Variants in TGFBR3 observed in about 807,000 individuals in gnomAD.
TGFBR3 encodes the protein transforming growth factor beta receptor type 3.
Under a neutral mutation model 87.9 loss-of-function variants are expected in TGFBR3, and 46 were observed. The ratio of observed to expected loss-of-function variants is 0.52; its 90% confidence interval spans 0.41 to 0.67. The LOEUF is 0.67. TGFBR3 is among the 30% of genes least tolerant of loss of function. The pLI, the probability that TGFBR3 is intolerant of heterozygous loss-of-function variation, is 0.00. For missense variants in TGFBR3, 866 were observed against 1,041.9 expected (o/e 0.83, Z 2.32); for synonymous variants, 381 against 391.6 (o/e 0.97, Z 0.32).
chr1:91,798,988 G>C (rs1008654976), intron 2 of TGFBR3, among the ~76,000 whole-genome samples: 1 of 152,130 alleles, frequency 6.6e-6, no homozygotes, highest in African/African-American at 2.4e-5. Flanking sequence ...TGTGAGCTTG[G>C]TGCTATTGTC....
At chr1:91,765,912 T>C (rs1368136291) in intron 3 of TGFBR3, among the ~76,000 whole-genome samples, 2 of 152,204 alleles carry the variant, frequency 1.3e-5, no homozygotes, top group Admixed American at 6.5e-5. Flanking sequence ...GCTTTTTATA[T>C]ATATATATTC....
At chr1:91,857,471 G>A (rs1678002255) in intron 2 of TGFBR3, among the ~76,000 whole-genome samples, 1 of 152,176 alleles carries the variant, frequency 6.6e-6, no homozygotes, top group East Asian at 1.9e-4. Flanking sequence ...CTTCAAGACA[G>A]AGTTCAAGAT....
At chr1:91,737,736 C>T (rs1673012919) in intron 4 of TGFBR3, among the ~76,000 whole-genome samples, 1 of 152,124 alleles carries the variant, frequency 6.6e-6, no homozygotes, top group African/African-American at 2.4e-5. Context: ...GGGCAACACC[C>T]CTAGCTTCTT....
chr1:91,748,226 A>T (rs1673414141), intron 4 of TGFBR3, among the ~76,000 whole-genome samples: 1 of 152,238 alleles, frequency 6.6e-6, no homozygotes, highest in East Asian at 1.9e-4. Flanking sequence ...TAAGCAGGCC[A>T]CACCCATTTT....
intron 1 of TGFBR3, among the ~76,000 whole-genome samples, chr1:91,904,549 A>G (rs114928289): frequency 0.012 from 1,735 of 144,292 alleles, 27 homozygotes; most frequent in African/African-American, 0.031. Context: ...GACGCGTGCC[A>G]CCACATGCAG....
intron 5 of TGFBR3, among the ~76,000 whole-genome samples, chr1:91,732,813 C>A (rs181125983): frequency 1.2e-3 from 185 of 152,280 alleles, no homozygotes; most frequent in African/African-American, 4.2e-3. Context: ...CCAGTGTGCA[C>A]AGGCTGAACC....
intron 14 of TGFBR3, among the ~76,000 whole-genome samples, chr1:91,699,414 T>C (rs1360224217): frequency 2.0e-5 from 3 of 149,576 alleles, no homozygotes; most frequent in Non-Finnish European, 4.4e-5. Context: ...TCTCTCTCTC[T>C]TTTTCTCTTT....
intron 2 of TGFBR3, among the ~76,000 whole-genome samples, chr1:91,807,921 G>A (rs1007689347): frequency 6.6e-5 from 10 of 152,138 alleles, no homozygotes; most frequent in South Asian, 4.1e-4. Context: ...ATGTGAAAAC[G>A]CTTTACAAAC....
At chr1:91,749,265 T>G (rs1210562725) in intron 4 of TGFBR3, among the ~76,000 whole-genome samples, 2 of 152,122 alleles carry the variant, frequency 1.3e-5, no homozygotes, top group African/African-American at 2.4e-5. Context: ...AAATGGACTG[T>G]GAGACTTTTG....
intron 9 of TGFBR3, 112 bp from the exon 10 acceptor site, chr1:91,719,576 C>T: frequency 7.6e-7 from 1 of 1,321,024 alleles, no homozygotes; most frequent in Non-Finnish European, 1.1e-6. Flanking sequence ...GAGAGGCCTG[C>T]ATCGTGCCCC....
rs781532156 is a variant in TGFBR3, at chr1:91,734,806, C to T, written c.538G>A (p.Ala180Thr). Residue 180 changes from alanine (A) to threonine (T), a missense_variant, in exon 5 of 17, where the codon GCA (alanine) becomes ACA (threonine). By Grantham distance (58) the Ala-to-Thr change is moderately conservative (BLOSUM62 0). Coordinates refer to ENST00000212355, the MANE Select transcript of TGFBR3 (RefSeq NM_003243.5). ...AVTSFTELKI[A>T]RNIYIKVGED... ...CCCACTTTAATATAAATGTTTCTTGCTATCTTGAGTTCGGTGAATGAAGTA... is the reference window on the plus strand; with the variant it reads ...CCCACTTTAATATAAATGTTTCTTGTTATCTTGAGTTCGGTGAATGAAGTA... The T allele has an allele frequency of 3.7e-6, 6 of 1,614,204 alleles. No individual in the cohort carries two copies. Among genetic ancestry groups the T allele is most frequent in the Non-Finnish European group, 4.2e-6 (5 of 1,180,012 alleles).
chr1:91,731,974 C>T (rs945085192), intron 5 of TGFBR3, among the ~76,000 whole-genome samples: 15 of 152,124 alleles, frequency 9.9e-5, no homozygotes, highest in African/African-American at 3.4e-4. Context: ...AATGACTTTC[C>T]GAATGCCTGG....
intron 2 of TGFBR3, among the ~76,000 whole-genome samples, chr1:91,827,449 T>C (rs1326207901): frequency 6.6e-6 from 1 of 152,174 alleles, no homozygotes. Context: ...CTCAAGAGTT[T>C]CAATTTCCTG....
intron 14 of TGFBR3, among the ~76,000 whole-genome samples, chr1:91,707,636 C>A (rs1671838551): frequency 6.6e-6 from 1 of 152,242 alleles, no homozygotes; most frequent in African/African-American, 2.4e-5. Flanking sequence ...TGCCCAGGCT[C>A]CTCTGTGCCC....
Position 91,716,294 on chromosome 1 carries a change from A to C in TGFBR3, c.1808T>G (p.Phe603Cys), listed in dbSNP as rs773262690. 6.8e-6 allele frequency: 11 copies of C among 1,614,026 alleles called. No individual in the cohort carries two copies. The highest frequency in any genetic ancestry group is 9.3e-6 in the Non-Finnish European group (11 of 1,180,024). The stretch of plus-strand genomic sequence containing the variant: ...GAAGACGCCCTGGGAGGGCACCAAA[A>C]AGAGGTCAGTGTTGTATAGCTCCAT... ...FNMELYNTDL[F>C]LVPSQGVFSV... Residue 603 changes from phenylalanine to cysteine, a missense_variant, in exon 12 of 17, where the codon TTT becomes TGT. Transcript: ENST00000212355.
intron 1 of TGFBR3, among the ~76,000 whole-genome samples, chr1:91,884,269 G>A (rs1346419360): frequency 4.0e-5 from 6 of 151,100 alleles, no homozygotes; most frequent in African/African-American, 1.2e-4. Flanking sequence ...GCAGTGAGCC[G>A]AGATCGCACC....
chr1:91,732,580 G>A (rs1178692088), intron 5 of TGFBR3, among the ~76,000 whole-genome samples: 1 of 152,192 alleles, frequency 6.6e-6, no homozygotes, highest in African/African-American at 2.4e-5. Context: ...GATGAAGCTT[G>A]CTCAGTGCAG....
intron 2 of TGFBR3, among the ~76,000 whole-genome samples, chr1:91,837,457 G>A (rs969843326): frequency 1.3e-5 from 2 of 152,028 alleles, no homozygotes; most frequent in Admixed American, 1.3e-4. Flanking sequence ...TGTTGGCCAG[G>A]CTGGTCTCAA....
At chr1:91,834,115 T>C (rs1207530648) in intron 2 of TGFBR3, among the ~76,000 whole-genome samples, 1 of 152,200 alleles carries the variant, frequency 6.6e-6, no homozygotes, top group East Asian at 1.9e-4. Context: ...GTTTTCATGG[T>C]TTTTTAACAA....
Sources: allele counts gnomAD v4.1 joint callset (sites outside exome capture counted in the v4.1 genomes callset), GRCh38; gene constraint gnomAD v4.1.1; transcripts MANE v1.5; gene names NCBI Gene and HGNC (gene_info 2026-07-23, HGNC 2026-07-21).